The following FGF18 variants were observed in gnomAD, a reference collection of about 807,000 sequenced individuals.
The protein encoded by FGF18 is fibroblast growth factor 18.
In FGF18, 5 loss-of-function variants were observed where a neutral mutation model predicts 23.0. The ratio of observed to expected loss-of-function variants is 0.22; its 90% CI spans 0.11 to 0.46. The LOEUF (loss-of-function observed/expected upper bound fraction) is 0.46. Ranked by LOEUF, FGF18 falls within the 20% of genes least tolerant of loss-of-function variation. The probability of loss-of-function intolerance (pLI) is 0.99; values close to 1 mark genes in which losing one functional copy is unlikely to be tolerated. For missense variants in FGF18, 180 were observed against 291.6 expected (o/e 0.62, Z 2.79); for synonymous variants, 117 against 118.9 (o/e 0.98, Z 0.10).
chr5:171,450,242 T>G (rs72829781), intron 4 of FGF18, among the ~76,000 whole-genome samples: 35,466 of 152,016 alleles, frequency 0.23, 4,206 homozygotes, highest in Middle Eastern at 0.29. Flanking sequence ...TGAAGCCATG[T>G]TTTTGATTTT....
At chr5:171,438,482 G>A (rs555017573) in intron 3 of FGF18, among the ~76,000 whole-genome samples, 1 of 152,248 alleles carries the variant, frequency 6.6e-6, no homozygotes, top group East Asian at 1.9e-4. Context: ...GGGTCTCGGG[G>A]GCGAGGCCTG....
At chr5:171,441,377 T>C (rs1772341616) in intron 3 of FGF18, among the ~76,000 whole-genome samples, 1 of 152,232 alleles carries the variant, frequency 6.6e-6, no homozygotes, top group East Asian at 1.9e-4. Flanking sequence ...CTGATCCTGC[T>C]GCAGCCTCAG....
At chr5:171,445,519 C>T (rs915234352) in intron 3 of FGF18, among the ~76,000 whole-genome samples, 2 of 149,486 alleles carry the variant, frequency 1.3e-5, no homozygotes, top group Admixed American at 1.3e-4. Flanking sequence ...CCACAATGCC[C>T]GGCTAATTTT....
At chr5:171,429,098 G>T (rs1404792028) in intron 2 of FGF18, among the ~76,000 whole-genome samples, 1 of 152,182 alleles carries the variant, frequency 6.6e-6, no homozygotes, top group African/African-American at 2.4e-5. Flanking sequence ...GAGTGTCACA[G>T]GAAAGAGGCC....
At chr5:171,421,235 G>A (rs1192806364) in intron 2 of FGF18, among the ~76,000 whole-genome samples, 2 of 152,168 alleles carry the variant, frequency 1.3e-5, no homozygotes, top group African/African-American at 4.8e-5. Context: ...TAGAAATGAA[G>A]GAAAAAGGGT....
intron 2 of FGF18, among the ~76,000 whole-genome samples, chr5:171,430,389 A>G (rs1772162408): frequency 6.6e-6 from 1 of 151,780 alleles, no homozygotes; most frequent in African/African-American, 2.4e-5. Context: ...GTACCAACTC[A>G]TAGGGTTTGT....
At position 171,420,118 on chromosome 5, in the gene FGF18, C is replaced by A. The variant is rs908017893; in HGVS notation, c.-82C>A. 10 of 1,203,802 alleles carry A rather than the reference C, an allele frequency of 8.3e-6. No homozygotes were observed. The highest frequency in any genetic ancestry group is 6.4e-5 in the African/African-American group (4 of 62,482). 74.6% of individuals were successfully genotyped at this position (1,203,802 alleles called of 1,614,324 possible). A position where few individuals can be genotyped will look rare whatever the true frequency, so the allele number is the denominator to read the frequency against. ...GCAGCGGCGGCGGCGGCGGCGGCGGCGGCGGAGGCGCCCGGTCCCGGCCGC... is the reference window on the plus strand; with the variant it reads ...GCAGCGGCGGCGGCGGCGGCGGCGGAGGCGGAGGCGCCCGGTCCCGGCCGC... On this transcript the variant is annotated 5_prime_UTR_variant, in exon 1 of 5. Transcript: ENST00000274625.
chr5:171,443,747 C>T (rs1271631856), intron 3 of FGF18, among the ~76,000 whole-genome samples: 1 of 151,730 alleles, frequency 6.6e-6, no homozygotes, highest in African/African-American at 2.4e-5. Flanking sequence ...CAGCTCCCTT[C>T]CTGCACTCTT....
rs561150790 is a variant in FGF18, at chr5:171,451,250, C to T, written c.357+1997C>T. On this transcript the variant is annotated intron_variant, in intron 4 of 4. Coordinates refer to ENST00000274625, the MANE Select transcript of FGF18 (RefSeq NM_003862.3). This position sits in a 1 kb window ranked among gnomAD's most constrained non-coding sequence, Gnocchi z 4.5. ...GCCCCCGGCGCCTCCCCCGCTCCCG[C>T]CCAGGCCTCCACGCCCGACCCCAAC... Among the ~76,000 whole-genome samples the T allele has an allele frequency of 1.3e-5, 2 of 152,260 alleles. No homozygotes were observed. The highest frequency in any genetic ancestry group is 1.3e-4 in the Admixed American group (2 of 15,306).
Position 171,420,124 on chromosome 5 carries a change from A to AGGC in FGF18, c.-74_-72dup. 1 of 1,231,836 alleles carries AGGC rather than the reference A, an allele frequency of 8.1e-7. No homozygotes were observed. The highest frequency in any genetic ancestry group is 2.7e-5 in the South Asian group (1 of 36,704). 76.3% of individuals were successfully genotyped at this position (1,231,836 alleles called of 1,614,324 possible). On this transcript the variant is annotated 5_prime_UTR_variant, in exon 1 of 5. Coordinates refer to ENST00000274625, the MANE Select transcript of FGF18 (RefSeq NM_003862.3). ...GCGGCGGCGGCGGCGGCGGCGGCGG[A>AGGC]GGCGCCCGGTCCCGGCCGCGCGGAG...
intron 3 of FGF18, among the ~76,000 whole-genome samples, chr5:171,448,163 G>C (rs890507480): frequency 2.0e-5 from 3 of 152,180 alleles, no homozygotes; most frequent in South Asian, 2.1e-4. Context: ...GGCTTTGGGG[G>C]ATCAGCTCTG....
At chr5:171,427,138 C>T (rs149432003) in intron 2 of FGF18, among the ~76,000 whole-genome samples, 1,871 of 150,528 alleles carry the variant, frequency 0.012, 47 homozygotes, top group African/African-American at 0.044. Flanking sequence ...ACCTGGGAGA[C>T]GGAGGTTGCG....
At chr5:171,454,062 A>G (rs1453938260) in intron 4 of FGF18, among the ~76,000 whole-genome samples, 15 of 152,092 alleles carry the variant, frequency 9.9e-5, no homozygotes, top group Admixed American at 9.8e-4. Context: ...AGGCAGGCAG[A>G]TATGGAATTT....
At chr5:171,444,091 AG>A (rs1241852686) in intron 3 of FGF18, among the ~76,000 whole-genome samples, 2 of 152,186 alleles carry the variant, frequency 1.3e-5, no homozygotes, top group Non-Finnish European at 2.9e-5. Flanking sequence ...TATCTTTCTC[AG>A]GGTGACCCTG....
At chr5:171,426,760 A>G (rs1228256814) in intron 2 of FGF18, among the ~76,000 whole-genome samples, 3 of 152,230 alleles carry the variant, frequency 2.0e-5, no homozygotes, top group Admixed American at 1.3e-4. Context: ...AGGCGAGGTC[A>G]GTGGCTTCTG....
rs1772330357 is a variant in FGF18 at position 171,440,802 on chromosome 5, GA to G, written c.250+4530del. Among the ~76,000 whole-genome samples the G allele has an allele frequency of 6.6e-6, 1 of 152,194 alleles. No homozygotes were observed. The highest frequency in any genetic ancestry group is 2.1e-4 in the South Asian group (1 of 4,824). On this transcript the variant is annotated intron_variant, in intron 3 of 4. Transcript: ENST00000274625. This position sits in a 1 kb window ranked among gnomAD's most constrained non-coding sequence, Gnocchi z 4.0. ...CACGCCCCAGTGCAGATGCTTCTCT[GA>G]GCCCCCAGGCTGGGTACAGAGCCCC... is the stretch of plus-strand genomic sequence containing the variant.
chr5:171,430,071 G>A (rs1027706585), intron 2 of FGF18, among the ~76,000 whole-genome samples: 3 of 152,174 alleles, frequency 2.0e-5, no homozygotes, highest in South Asian at 2.1e-4. Flanking sequence ...AATAATAATC[G>A]TACCAGGCTG....
chr5:171,448,710 G>A (rs1459575224), intron 3 of FGF18, among the ~76,000 whole-genome samples: 1 of 152,046 alleles, frequency 6.6e-6, no homozygotes, highest in East Asian at 1.9e-4. Flanking sequence ...TGGCCTTTTT[G>A]TATGGCCGTC....
chr5:171,436,148 G>C lies in FGF18; in HGVS notation c.125G>C (p.Arg42Pro). 1 of 1,594,746 alleles carries C rather than the reference G, an allele frequency of 6.3e-7. No homozygotes were observed. Among genetic ancestry groups the C allele is most frequent in the Non-Finnish European group, 8.6e-7 (1 of 1,168,118 alleles). Residue 42 changes from arginine to proline, a missense_variant, in exon 3 of 5, where the codon CGG becomes CCG. Physicochemically the swap from Arg to Pro is moderately radical, Grantham distance 103 (BLOSUM62 -2). This residue lies in a region of FGF18 where 57 missense variants were observed against 59.8 expected (regional missense o/e 0.95). Coordinates refer to ENST00000274625, the MANE Select transcript of FGF18 (RefSeq NM_003862.3). This position sits in a 1 kb window ranked among gnomAD's most constrained non-coding sequence, Gnocchi z 4.4. ...DFRIHVENQT[R>P]ARDDVSRKQL... ...CGCATCCACGTGGAGAACCAGACGC[G>C]GGCTCGGGACGATGTGAGCCGTAAG...
Sources: allele counts gnomAD v4.1 joint callset (sites outside exome capture counted in the v4.1 genomes callset), GRCh38; gene constraint gnomAD v4.1.1; regional missense constraint gnomAD v4.1.1; non-coding constraint Gnocchi (gnomAD v3.1); transcripts MANE v1.5; gene names NCBI Gene and HGNC (gene_info 2026-07-23, HGNC 2026-07-21).